Variants in NEURL4 observed in about 807,000 individuals in gnomAD.
The protein encoded by NEURL4 is neuralized E3 ubiquitin protein ligase 4.
In NEURL4, 45 loss-of-function variants were observed where a neutral mutation model predicts 148.0. That is an observed-to-expected ratio of 0.30 (90% confidence interval 0.24 to 0.39). NEURL4 has a LOEUF of 0.39. NEURL4 is among the 10% of genes least tolerant of loss of function. NEURL4 has a pLI of 1.00. For missense variants in NEURL4, 1,776 were observed against 2,144.0 expected (o/e 0.83, Z 3.39); for synonymous variants, 854 against 869.0 (o/e 0.98, Z 0.30).
chr17:7,316,727 T>G (rs760364328), intron 28 of NEURL4, among the ~76,000 whole-genome samples: 13 of 152,048 alleles, frequency 8.5e-5, no homozygotes, highest in South Asian at 2.1e-4. Flanking sequence ...ATCGAGACCA[T>G]CCTGGCCAAC....
At position 7,315,813 on chromosome 17, in the gene NEURL4, ATAAAT is replaced by A. The variant is rs1403110126; in HGVS notation, c.*305_*309del. 6 of 514,916 alleles carry A rather than the reference ATAAAT, an allele frequency of 1.2e-5. No homozygotes were observed. Among genetic ancestry groups the A allele is most frequent in the African/African-American group, 7.8e-5 (4 of 51,142 alleles). The allele number at this position is 514,916 out of a possible 1,614,324, so 31.9% of individuals were successfully genotyped here. On this transcript the variant is annotated 3_prime_UTR_variant, in exon 29 of 29. Coordinates refer to ENST00000399464, the MANE Select transcript of NEURL4 (RefSeq NM_032442.3). ...ACAGTAACCAGAAACAAAAACGGAA[ATAAAT>A]TAAGTGATGTGGGGTAGGGGAGTAA...
chr17:7,325,160 C>CGT lies in NEURL4; in HGVS notation c.1631+48_1631+49insAC, dbSNP rs769595282. ...CCACTTCCTTGCCCCGCCCCCCCCC[C>CGT]CCCATTAGAATCCCTTCTTCAGGCT... On this transcript the variant is annotated intron_variant, in intron 8 of 28. Coordinates refer to ENST00000399464, the MANE Select transcript of NEURL4 (RefSeq NM_032442.3). 6.6e-6 allele frequency: 5 copies of CGT among 763,150 alleles called. 2 individuals are homozygous for CGT. Among genetic ancestry groups the CGT allele is most frequent in the South Asian group, 3.2e-5 (2 of 62,800 alleles). The allele number at this position is 763,150 out of a possible 1,614,324, so 47.3% of individuals were successfully genotyped here. A position where few individuals can be genotyped will look rare whatever the true frequency, so the allele number is the denominator to read the frequency against.
Position 7,321,744 on chromosome 17 carries a change from C to A in NEURL4, c.2915G>T (p.Arg972Leu). The A allele has an allele frequency of 1.9e-6, 3 of 1,613,706 alleles. No homozygotes were observed. The highest frequency in any genetic ancestry group is 1.7e-6 in the Non-Finnish European group (2 of 1,180,048). The change falls in exon 18 of 29, where the codon CGG (arginine) becomes CTG (leucine). Residue 972 changes from arginine (R) to leucine (L), a missense_variant. Coordinates refer to ENST00000399464, the MANE Select transcript of NEURL4 (RefSeq NM_032442.3). The surrounding 1 kb of genome is among the most constrained non-coding windows in gnomAD (Gnocchi z 6.3). ...CGGTGCTAGTGTGGTCAGCCCCAGCCGCAGGGAACCTGCCCACTTCTCATC... is the reference window on the plus strand; with the variant it reads ...CGGTGCTAGTGTGGTCAGCCCCAGCAGCAGGGAACCTGCCCACTTCTCATC... ...ELDEKWAGSL[R>L]LGLTTLAPGE...
In NEURL4 at chr17:7,324,006, G is replaced by A. The variant is rs761526081; in HGVS notation, c.2069C>T (p.Ala690Val). ...QATIVDDVEV[A>V]PVPEPLPEGN... is the part of the protein sequence containing the mutation. ...CTCAGGGAGTGGTTCAGGAACTGGA[G>A]CCACCTCTGTAAAAGTGGACATCAC... Residue 690 changes from alanine to valine, a missense_variant, in exon 12 of 29, where the codon GCT becomes GTT. By Grantham distance (64) the Ala-to-Val change is moderately conservative. Coordinates refer to ENST00000399464, the MANE Select transcript of NEURL4 (RefSeq NM_032442.3). This position sits in a 1 kb window ranked among gnomAD's most constrained non-coding sequence, Gnocchi z 5.9. The A allele has an allele frequency of 5.0e-6, 8 of 1,609,554 alleles. No homozygotes were observed. The highest frequency in any genetic ancestry group is 1.3e-5 in the African/African-American group (1 of 75,052).
intron 27 of NEURL4, 44 bp downstream of exon 27, chr17:7,317,417 C>T (rs767094155): frequency 6.2e-7 from 1 of 1,611,192 alleles, no homozygotes; most frequent in Admixed American, 1.7e-5. Flanking sequence ...TCCTCCACAG[C>T]CCCCCAGGCT....
chr17:7,316,346 T>A lies in NEURL4; in HGVS notation c.4485-19A>T, dbSNP rs371627794. On this transcript the variant is annotated intron_variant, in intron 28 of 28. Transcript: ENST00000399464. ...CCGGAATCTGTCAGACAAGAAAAAA[T>A]AAGGGAGTGAAGCCTCTCGCCCCAT... 7.9e-4 allele frequency: 1,262 copies of A among 1,606,028 alleles called. 10 individuals carry two copies. The highest frequency in any genetic ancestry group is 1.8e-3 in the Middle Eastern group (8 of 4,492).
chr17:7,317,757 A>C, intron 26 of NEURL4, 31 bp downstream of exon 26: 1 of 1,608,902 alleles, frequency 6.2e-7, no homozygotes, highest in Non-Finnish European at 8.5e-7. Context: ...GGAAAACAGT[A>C]GGGGAAAGGC....
chr17:7,318,264 C>T lies in NEURL4; in HGVS notation c.3952+5G>A. ...CAGGAGCTGGGTCCCTTTGGGCTGG[C>T]ACACCGTCCACCATGTCTGCTTTCT... On this transcript the variant is annotated splice_donor_5th_base_variant and intron_variant, in intron 24 of 28. Transcript: ENST00000399464. The surrounding 1 kb of genome is among the most constrained non-coding windows in gnomAD (Gnocchi z 4.3). 1 of 1,613,982 alleles carries T rather than the reference C, an allele frequency of 6.2e-7. No homozygotes were observed. Among genetic ancestry groups the T allele is most frequent in the Non-Finnish European group, 8.5e-7 (1 of 1,179,884 alleles).
In NEURL4 at chr17:7,327,423, C is replaced by A; in HGVS notation, c.727+17G>T. ...TCCGTCCCCACCCCACCACCACTGC[C>A]CTAGCTGTGTTCTCACCTTCATCTG... On this transcript the variant is annotated intron_variant, in intron 2 of 28. Coordinates refer to ENST00000399464, the MANE Select transcript of NEURL4 (RefSeq NM_032442.3). This position sits in a 1 kb window ranked among gnomAD's most constrained non-coding sequence, Gnocchi z 6.6. The A allele has an allele frequency of 6.5e-7, 1 of 1,542,146 alleles. No individual in the cohort carries two copies. Among genetic ancestry groups the A allele is most frequent in the Admixed American group, 1.9e-5 (1 of 52,504 alleles).
Position 7,324,490 on chromosome 17 carries a change from C to A in NEURL4, c.1814-10G>T. On this transcript the variant is annotated splice_polypyrimidine_tract_variant and intron_variant, in intron 9 of 28. Coordinates refer to ENST00000399464, the MANE Select transcript of NEURL4 (RefSeq NM_032442.3). The surrounding 1 kb of genome is among the most constrained non-coding windows in gnomAD (Gnocchi z 5.9). Reference sequence around the variant, plus strand: ...GTCATCATCCAGGTCCCTGGGAGGACAAGGAGCAGGAGGGGACATGAGGGG... The same window carrying A: ...GTCATCATCCAGGTCCCTGGGAGGAAAAGGAGCAGGAGGGGACATGAGGGG... 2 of 1,612,872 alleles carry A rather than the reference C, an allele frequency of 1.2e-6. No individual in the cohort carries two copies. Among genetic ancestry groups the A allele is most frequent in the African/African-American group, 2.7e-5 (2 of 75,042 alleles).
rs747982909 is a variant in NEURL4, at chr17:7,318,389, G to A, written c.3865-33C>T. On this transcript the variant is annotated intron_variant, in intron 23 of 28. Coordinates refer to ENST00000399464, the MANE Select transcript of NEURL4 (RefSeq NM_032442.3). This position sits in a 1 kb window ranked among gnomAD's most constrained non-coding sequence, Gnocchi z 4.3. ...GGAGAGGGTAGTCAGACAGAGCTTG[G>A]TCAGACCCCAGGGCCTGCTGATCCC... 1.2e-6 allele frequency: 2 copies of A among 1,612,280 alleles called. No homozygotes were observed. The highest frequency in any genetic ancestry group is 1.7e-6 in the Non-Finnish European group (2 of 1,178,602).
intron 21 of NEURL4, 34 bp downstream of exon 21, chr17:7,320,725 C>A: frequency 1.3e-6 from 2 of 1,592,958 alleles, no homozygotes; most frequent in Non-Finnish European, 1.7e-6. Context: ...CACTGTGGAG[C>A]GAGAGAAGCT....
chr17:7,320,980 C>T, intron 20 of NEURL4, 57 bp from the exon 21 acceptor site: 1 of 1,603,158 alleles, frequency 6.2e-7, no homozygotes. Context: ...ACTGACCCAC[C>T]CCACTGGAGT....
chr17:7,325,712 T>C lies in NEURL4; in HGVS notation c.1295A>G (p.Glu432Gly). ...YCEFSLDELQ[E>G]GDHIGLTRKS... ...CCTTGTGAGGCCAATGTGGTCACCC[T>C]CCTAATCAAAGAAGACAAACAGTTT... The change falls in exon 7 of 29, where the codon GAG becomes GGG. Residue 432 changes from glutamate to glycine, a missense_variant and splice_region_variant. By Grantham distance (98) the Glu-to-Gly change is moderately conservative. Coordinates refer to ENST00000399464, the MANE Select transcript of NEURL4 (RefSeq NM_032442.3). The C allele has an allele frequency of 6.2e-7, 1 of 1,613,242 alleles. No individual in the cohort carries two copies.
Position 7,319,139 on chromosome 17 carries a change from C to T in NEURL4, c.3595G>A (p.Glu1199Lys). The T allele has an allele frequency of 6.2e-7, 1 of 1,614,144 alleles. No homozygotes were observed. Among genetic ancestry groups the T allele is most frequent in the South Asian group, 1.1e-5 (1 of 91,078 alleles). Residue 1199 changes from glutamate (E) to lysine (K), a missense_variant, in exon 22 of 29, where the codon GAG becomes AAG. Physicochemically the swap from Glu to Lys is moderately conservative, Grantham distance 56 (BLOSUM62 1). Transcript: ENST00000399464. ...LVLGVITCAP[E>K]RLNFPASACA... The stretch of plus-strand genomic sequence containing the variant: ...GCAGAAGCAGGGAAGTTGAGCCTCT[C>T]AGGCGCGCAGGTGATGACTCCCAGG...
In NEURL4 at chr17:7,329,080, C is replaced by T. The variant is rs569858150; in HGVS notation, c.233G>A (p.Arg78Gln). ...GACGCGTCCATCGCGCAAGGGTTCT[C>T]GGCTCAACACCAGCCCGTGGTTAAA... ...QEFNHGLVLS[R>Q]EPLRDGRVFT... Residue 78 changes from arginine to glutamine, a missense_variant, in exon 1 of 29, where the codon CGA (arginine) becomes CAA (glutamine). Transcript: ENST00000399464. 5 of 1,608,004 alleles carry T rather than the reference C, an allele frequency of 3.1e-6. No individual in the cohort carries two copies. The Admixed American group carries it at 6.7e-5, about 22-fold the overall frequency.
Position 7,322,139 on chromosome 17 carries a change from C to T in NEURL4, c.2726-129G>A, listed in dbSNP as rs2143012488. On this transcript the variant is annotated intron_variant, in intron 16 of 28. Transcript: ENST00000399464. The surrounding 1 kb of genome is among the most constrained non-coding windows in gnomAD (Gnocchi z 5.5). The stretch of plus-strand genomic sequence containing the variant: ...CCCCATCTGCCATCTGCCATTACAC[C>T]TCAGGGCCTCCTGACACCTCTTTAT... 2 of 1,042,950 alleles carry T rather than the reference C, an allele frequency of 1.9e-6. No homozygotes were observed. Among genetic ancestry groups the T allele is most frequent in the Non-Finnish European group, 2.8e-6 (2 of 720,884 alleles). The allele number at this position is 1,042,950 out of a possible 1,614,324, so 64.6% of individuals were successfully genotyped here. A position where few individuals can be genotyped will look rare whatever the true frequency, so the allele number is the denominator to read the frequency against.
Position 7,321,937 on chromosome 17 carries a change from T to C in NEURL4, c.2799A>G (p.Ala933=), listed in dbSNP as rs1487618271. ...CATGAGCATAGCCAGCGGCACGCAC[T>C]GCCCTCGTGCCATCCTCCTCTAGAG... The part of the protein sequence containing the change: ...NVTLEEDGTR[A]VRAAGYAHGL... Residue 933 remains alanine (A), a synonymous_variant, in exon 17 of 29, where the codon GCA becomes GCG. Coordinates refer to ENST00000399464, the MANE Select transcript of NEURL4 (RefSeq NM_032442.3). The surrounding 1 kb of genome is among the most constrained non-coding windows in gnomAD (Gnocchi z 6.3). 1.9e-6 allele frequency: 3 copies of C among 1,613,774 alleles called. No individual in the cohort carries two copies. The highest frequency in any genetic ancestry group is 2.5e-6 in the Non-Finnish European group (3 of 1,180,006).
intron 8 of NEURL4, 69 bp from the exon 9 acceptor site, chr17:7,325,049 C>T (rs2073083811): frequency 1.3e-6 from 2 of 1,582,414 alleles, no homozygotes; most frequent in African/African-American, 2.7e-5. Flanking sequence ...CTTAGCCCAG[C>T]AATGCCTGCC....
Sources: gnomAD v4.1 joint callset for allele counts (sites outside exome capture counted in the v4.1 genomes callset) on GRCh38, gnomAD v4.1.1 for gene constraint, Gnocchi (gnomAD v3.1) non-coding constraint, MANE v1.5 for transcripts, NCBI Gene and HGNC (gene_info 2026-07-23, HGNC 2026-07-21) for gene names.